KCNB2: variants seen among roughly 807,000 people sequenced by gnomAD.
The protein encoded by KCNB2 is potassium voltage-gated channel subfamily B member 2, also known as delayed rectifier potassium channel protein.
A neutral mutation model predicts 61.5 loss-of-function variants in KCNB2; 15 were observed. The ratio of observed to expected loss-of-function variants is 0.24; its 90% CI spans 0.16 to 0.38. The LOEUF (loss-of-function observed/expected upper bound fraction) is 0.38, where lower values mean the gene tolerates loss of function less well. Ranked by LOEUF, KCNB2 falls within the 10% of genes least tolerant of loss-of-function variation. KCNB2 has a pLI of 1.00. For synonymous variants in KCNB2, 457 were observed against 446.0 expected, an observed-to-expected ratio of 1.02 and a Z score of -0.31; for missense variants, 828 against 1,125.2, an observed-to-expected ratio of 0.74 and a Z score of 3.78.
chr8:72,890,467 A>T (rs1244056954), intron 2 of KCNB2, among the ~76,000 whole-genome samples: 2 of 152,204 alleles, frequency 1.3e-5, no homozygotes, highest in African/African-American at 4.8e-5. Context: ...ACTATGGCAC[A>T]TCAGCTGCAG....
chr8:72,851,826 GAAA>G (rs55696554), intron 2 of KCNB2, among the ~76,000 whole-genome samples: 55 of 43,862 alleles, frequency 1.3e-3, no homozygotes, highest in Non-Finnish European at 1.9e-3. Flanking sequence ...GAAGCTGTAG[GAAA>G]AAAAAAAAAA....
intron 2 of KCNB2, among the ~76,000 whole-genome samples, chr8:72,903,406 G>A (rs10096171): frequency 0.86 from 131,062 of 152,062 alleles, 57,322 homozygotes; most frequent in Middle Eastern, 0.95. Context: ...CTTGTCTGTC[G>A]CTGGCTGGAC....
chr8:72,905,383 G>A (rs190051339), intron 2 of KCNB2, among the ~76,000 whole-genome samples: 1 of 151,998 alleles, frequency 6.6e-6, no homozygotes, highest in Non-Finnish European at 1.5e-5. Flanking sequence ...TGGAACTTAA[G>A]GAAAGACACT....
At chr8:72,705,685 C>T (rs913730488) in intron 2 of KCNB2, among the ~76,000 whole-genome samples, 4 of 152,148 alleles carry the variant, frequency 2.6e-5, no homozygotes, top group Non-Finnish European at 5.9e-5. Context: ...TGGAGGAAGA[C>T]AATCAAGCCA....
chr8:72,793,261 GA>G (rs1397130513), intron 2 of KCNB2, among the ~76,000 whole-genome samples: 1 of 152,132 alleles, frequency 6.6e-6, no homozygotes, highest in Non-Finnish European at 1.5e-5. Context: ...TAATGAACCA[GA>G]AAAAAACTAG....
intron 2 of KCNB2, among the ~76,000 whole-genome samples, chr8:72,712,411 G>T (rs1016850086): frequency 6.6e-6 from 1 of 152,136 alleles, no homozygotes; most frequent in Non-Finnish European, 1.5e-5. Context: ...AAGAAAGTTG[G>T]CCTGGTGGCA....
At chr8:72,576,051 A>G (rs1341836748) in intron 2 of KCNB2, among the ~76,000 whole-genome samples, 4 of 152,264 alleles carry the variant, frequency 2.6e-5, no homozygotes, top group Non-Finnish European at 5.9e-5. Context: ...TTCCTTTATC[A>G]TAATTAACAA....
intron 2 of KCNB2, among the ~76,000 whole-genome samples, chr8:72,601,008 A>T (rs1374758389): frequency 6.6e-6 from 1 of 152,144 alleles, no homozygotes; most frequent in Non-Finnish European, 1.5e-5. Context: ...CAAAAAAAAA[A>T]AAAGAAATTA....
chr8:72,665,663 C>T (rs1806458437), intron 2 of KCNB2, among the ~76,000 whole-genome samples: 1 of 152,188 alleles, frequency 6.6e-6, no homozygotes, highest in South Asian at 2.1e-4. Flanking sequence ...TGAGTTCAAT[C>T]GGATTTCCCA....
At chr8:72,716,859 G>C (rs1199033120) in intron 2 of KCNB2, among the ~76,000 whole-genome samples, 2 of 152,166 alleles carry the variant, frequency 1.3e-5, no homozygotes, top group African/African-American at 4.8e-5. Flanking sequence ...ATTAGAAAAA[G>C]AGGAAGTCAA....
intron 2 of KCNB2, among the ~76,000 whole-genome samples, chr8:72,687,569 G>A (rs922231755): frequency 6.6e-6 from 1 of 152,048 alleles, no homozygotes; most frequent in African/African-American, 2.4e-5. Flanking sequence ...CTGCAGCAAT[G>A]AAAATACAAA....
At chr8:72,599,204 C>T (rs1422855687) in intron 2 of KCNB2, among the ~76,000 whole-genome samples, 3 of 152,172 alleles carry the variant, frequency 2.0e-5, no homozygotes, top group Non-Finnish European at 2.9e-5. Flanking sequence ...AACTATACTA[C>T]AAGGCTACAG....
At chr8:72,759,305 A>G (rs946697014) in intron 2 of KCNB2, among the ~76,000 whole-genome samples, 1 of 152,230 alleles carries the variant, frequency 6.6e-6, no homozygotes. Flanking sequence ...AGAAAAGAAT[A>G]CCACCTCTCT....
intron 2 of KCNB2, among the ~76,000 whole-genome samples, chr8:72,662,512 A>G (rs952734983): frequency 6.6e-6 from 1 of 152,214 alleles, no homozygotes; most frequent in East Asian, 1.9e-4. Context: ...GGCTCCAGCT[A>G]CCCCAGGCCC....
chr8:72,673,440 T>C (rs1806599443), intron 2 of KCNB2, among the ~76,000 whole-genome samples: 1 of 152,180 alleles, frequency 6.6e-6, no homozygotes, highest in Non-Finnish European at 1.5e-5. Context: ...AACATGTTTG[T>C]TTTCCCTTCT....
chr8:72,852,119 G>C lies in KCNB2; in HGVS notation c.580-83816G>C, dbSNP rs117048223. On this transcript the variant is annotated intron_variant, in intron 2 of 2. Transcript: ENST00000523207. ...AAAAAATTCAGAAACAATTAGCCAG[G>C]CTTGGTGGCGCACATCTGTAGTCCC... Among the ~76,000 whole-genome samples the C allele has an allele frequency of 2.7e-3, 418 of 152,168 alleles. 14 individuals are homozygous for C. The East Asian group carries it at 0.066, about 24-fold the overall frequency.
At chr8:72,881,386 C>T (rs1805703907) in intron 2 of KCNB2, 1 of 14,664 alleles carries the variant, frequency 6.8e-5, no homozygotes, top group East Asian at 3.5e-4. Flanking sequence ...TGACCCCTTG[C>T]GCTTCCCAGG....
intron 2 of KCNB2, among the ~76,000 whole-genome samples, chr8:72,768,444 G>A (rs1291770773): frequency 2.0e-5 from 3 of 152,082 alleles, no homozygotes; most frequent in East Asian, 1.9e-4. Flanking sequence ...CAAAGTGCTG[G>A]GAATACAGGC....
intron 2 of KCNB2, among the ~76,000 whole-genome samples, chr8:72,712,040 T>C (rs1403539870): frequency 6.6e-6 from 1 of 152,210 alleles, no homozygotes; most frequent in East Asian, 1.9e-4. Flanking sequence ...AATGGATTAC[T>C]TATTTAATAT....
Sources: gnomAD v4.1 joint callset for allele counts (sites outside exome capture counted in the v4.1 genomes callset) on GRCh38, gnomAD v4.1.1 for gene constraint, MANE v1.5 for transcripts, NCBI Gene and HGNC (gene_info 2026-07-23, HGNC 2026-07-21) for gene names.